Variants in PTPRQ observed in about 807,000 individuals in gnomAD.
The protein encoded by PTPRQ is protein tyrosine phosphatase receptor type Q.
Under a neutral mutation model 246.0 loss-of-function variants are expected in PTPRQ, and 199 were observed. The observed-to-expected ratio is 0.81, with a 90% CI of 0.72 to 0.91. The LOEUF (loss-of-function observed/expected upper bound fraction) is 0.91, where lower values mean the gene tolerates loss of function less well. PTPRQ is among the 40% of genes least tolerant of loss of function. The pLI is 0.00. For synonymous variants in PTPRQ, 869 were observed against 853.2 expected (o/e 1.02, Z -0.32); for missense variants, 2,624 against 2,528.4 (o/e 1.04, Z -0.81).
In PTPRQ at chr12:80,609,289, C is replaced by A. The variant is rs1283137599; in HGVS notation, c.4732-1150C>A. 2.0e-5 allele frequency among the ~76,000 whole-genome samples: 3 copies of A among 150,374 alleles called. No individual in the cohort carries two copies. The East Asian group carries it at 5.9e-4, about 29-fold the overall frequency. ...CATATGCAAATCAATGTGTGTTTCG[C>A]CATATTATCAATAAAATATGTTCTT... On this transcript the variant is annotated intron_variant, in intron 27 of 44. Coordinates refer to ENST00000644991, the MANE Select transcript of PTPRQ (RefSeq NM_001145026.2).
At chr12:80,486,940 A>G (rs935921659) in intron 9 of PTPRQ, among the ~76,000 whole-genome samples, 1 of 152,180 alleles carries the variant, frequency 6.6e-6, no homozygotes, top group Non-Finnish European at 1.5e-5. Flanking sequence ...GTACTGTGAC[A>G]TTGCAATTCT....
At chr12:80,628,058 T>C (rs992946633) in intron 33 of PTPRQ, among the ~76,000 whole-genome samples, 2 of 152,164 alleles carry the variant, frequency 1.3e-5, no homozygotes, top group African/African-American at 4.8e-5. Flanking sequence ...AACATTTTTT[T>C]CCCACTGAGT....
intron 33 of PTPRQ, among the ~76,000 whole-genome samples, chr12:80,623,440 G>C (rs1899073234): frequency 6.6e-6 from 1 of 152,118 alleles, no homozygotes; most frequent in Non-Finnish European, 1.5e-5. Context: ...TAGCTGATTA[G>C]TTTTGTGGTT....
chr12:80,474,290 TCTC>T (rs1427381328), intron 8 of PTPRQ, among the ~76,000 whole-genome samples: 1 of 152,222 alleles, frequency 6.6e-6, no homozygotes, highest in East Asian at 1.9e-4. Context: ...TTTAATTTCT[TCTC>T]CATATTTTAA....
At chr12:80,671,120 T>C (rs1900956196) in intron 42 of PTPRQ, among the ~76,000 whole-genome samples, 1 of 152,080 alleles carries the variant, frequency 6.6e-6, no homozygotes, top group Non-Finnish European at 1.5e-5. Context: ...TTTAAAAAAC[T>C]CAATATGTAA....
Position 80,454,431 on chromosome 12 carries a change from T to A in PTPRQ, c.391-3144T>A, listed in dbSNP as rs1482059817. 9.3e-3 allele frequency: 6,104 copies of A among 658,124 alleles called. 150 individuals are homozygous for A. The African/African-American group carries it at 0.11, about 12-fold the overall frequency. The allele number at this position is 658,124 out of a possible 1,614,324, so 40.8% of individuals were successfully genotyped here. A position where few individuals can be genotyped will look rare whatever the true frequency, so the allele number is the denominator to read the frequency against. On this transcript the variant is annotated intron_variant, in intron 3 of 44. Transcript: ENST00000644991. ...AGTGAGATGAACCCGGTACCTCAGATGGAAATGCAGAAATGGATGCCTTTT... is the reference window on the plus strand; with the variant it reads ...AGTGAGATGAACCCGGTACCTCAGAAGGAAATGCAGAAATGGATGCCTTTT...
Position 80,613,819 on chromosome 12 carries a change from C to T in PTPRQ, c.5146C>T (p.His1716Tyr), listed in dbSNP as rs1336599282. Residue 1716 changes from histidine to tyrosine, a missense_variant, in exon 29 of 45, where the codon CAT becomes TAT. By Grantham distance (83) the His-to-Tyr change is moderately conservative (BLOSUM62 2). Transcript: ENST00000644991. Reference sequence around the variant, plus strand: ...AATGCTAGAAGGACTAAAAGGTGGACATACATACAATATCAGTGTAAGAAT... The same window carrying T: ...AATGCTAGAAGGACTAAAAGGTGGATATACATACAATATCAGTGTAAGAAT... ...IAMLEGLKGG[H>Y]TYNISVYAVN... is the part of the protein sequence containing the mutation. 6.5e-7 allele frequency: 1 copy of T among 1,535,580 alleles called. No homozygotes were observed. The highest frequency in any genetic ancestry group is 2.5e-5 in the East Asian group (1 of 40,306).
chr12:80,553,007 AG>A (rs1369584710), intron 25 of PTPRQ, among the ~76,000 whole-genome samples: 4 of 152,010 alleles, frequency 2.6e-5, no homozygotes, highest in Non-Finnish European at 5.9e-5. Flanking sequence ...CTTTGCTTGT[AG>A]GAACCATGTC....
rs2121131839 is a variant in PTPRQ, at chr12:80,620,308, T to C, written c.5544T>C (p.Asn1848=). Residue 1848 remains asparagine, a synonymous_variant, in exon 32 of 45, where the codon AAT becomes AAC. Transcript: ENST00000644991. ...AAATCTACATCATAGGTGCTGATAA[T>C]GCATGCATGATTCCTGGCAATGAAG... ...NEEIYIIGAD[N]ACMIPGNEDK... 2 of 1,549,500 alleles carry C rather than the reference T, an allele frequency of 1.3e-6. No homozygotes were observed. Among genetic ancestry groups the C allele is most frequent in the South Asian group, 1.2e-5 (1 of 83,994 alleles).
chr12:80,584,463 G>C (rs1466574716), intron 25 of PTPRQ, among the ~76,000 whole-genome samples: 1 of 152,026 alleles, frequency 6.6e-6, no homozygotes, highest in Non-Finnish European at 1.5e-5. Context: ...TTCCTGTTTT[G>C]CAATTACCAG....
At chr12:80,548,860 T>C (rs964353442) in intron 24 of PTPRQ, among the ~76,000 whole-genome samples, 12 of 152,024 alleles carry the variant, frequency 7.9e-5, no homozygotes, top group South Asian at 4.2e-4. Flanking sequence ...TCTGAGAAGC[T>C]GGGTTAGTTT....
At chr12:80,530,107 C>T (rs1252770988) in intron 17 of PTPRQ, among the ~76,000 whole-genome samples, 4 of 152,178 alleles carry the variant, frequency 2.6e-5, no homozygotes, top group African/African-American at 7.2e-5. Flanking sequence ...CCACCTCCCT[C>T]AACTCCCTAT....
At chr12:80,507,330 T>C (rs1592594670) in intron 16 of PTPRQ, among the ~76,000 whole-genome samples, 1 of 152,070 alleles carries the variant, frequency 6.6e-6, no homozygotes, top group African/African-American at 2.4e-5. Flanking sequence ...TTATGTTTTA[T>C]ACATTGCATA....
intron 34 of PTPRQ, 123 bp downstream of exon 34, chr12:80,632,414 A>G: frequency 7.4e-7 from 1 of 1,344,014 alleles, no homozygotes; most frequent in South Asian, 1.4e-5. Context: ...TTTAATAGAC[A>G]GATAAAAATG....
chr12:80,453,147 G>T (rs1288457455), intron 3 of PTPRQ, among the ~76,000 whole-genome samples: 4 of 152,120 alleles, frequency 2.6e-5, no homozygotes, highest in African/African-American at 9.6e-5. Context: ...CTTTCTTCCA[G>T]TTGATCGCAT....
At chr12:80,492,341 C>T (rs1894476269) in intron 9 of PTPRQ, among the ~76,000 whole-genome samples, 2 of 151,912 alleles carry the variant, frequency 1.3e-5, no homozygotes, top group Admixed American at 6.6e-5. Context: ...TCATTTAATA[C>T]CTAGAACACA....
chr12:80,449,507 A>C (rs1892673664), intron 3 of PTPRQ, among the ~76,000 whole-genome samples: 2 of 152,088 alleles, frequency 1.3e-5, no homozygotes, highest in African/African-American at 4.8e-5. Context: ...TTATGGTTTT[A>C]GGTCTAACAT....
intron 33 of PTPRQ, among the ~76,000 whole-genome samples, chr12:80,624,396 C>T (rs1420009005): frequency 6.6e-6 from 1 of 152,208 alleles, no homozygotes; most frequent in African/African-American, 2.4e-5. Flanking sequence ...CTTCCAGGGA[C>T]TCTCTCCTGA....
At position 80,517,366 on chromosome 12, in the gene PTPRQ, A is replaced by T. The variant is rs1193932225; in HGVS notation, c.2678+6923A>T. On this transcript the variant is annotated intron_variant, in intron 17 of 44. Coordinates refer to ENST00000644991, the MANE Select transcript of PTPRQ (RefSeq NM_001145026.2). Reference sequence around the variant, plus strand: ...CACCCTCTTATTTCATTTTATCTGAAAGAAAATTTTGTAGGTACATAGTAG... The same window carrying T: ...CACCCTCTTATTTCATTTTATCTGATAGAAAATTTTGTAGGTACATAGTAG... 2.0e-5 allele frequency among the ~76,000 whole-genome samples: 3 copies of T among 152,148 alleles called. No individual in the cohort carries two copies. The East Asian group carries it at 5.8e-4, about 29-fold the overall frequency.
Sources: allele counts gnomAD v4.1 joint callset (sites outside exome capture counted in the v4.1 genomes callset), GRCh38; gene constraint gnomAD v4.1.1; transcripts MANE v1.5; gene names NCBI Gene and HGNC (gene_info 2026-07-23, HGNC 2026-07-21).